The following MYLK4 variants were observed in gnomAD, a reference collection of about 807,000 sequenced individuals.
MYLK4 encodes the protein caMLCK like.
MYLK4 carries 46 observed loss-of-function variants against 48.1 expected under a neutral mutation model. That is an observed-to-expected ratio of 0.96 (90% confidence interval 0.75 to 1.22). The LOEUF is 1.22. MYLK4 is among the 50% of genes most tolerant of loss of function. The pLI is 0.00. For missense variants in MYLK4, 451 were observed against 486.1 expected (o/e 0.93, Z 0.68); for synonymous variants, 170 against 180.8 (o/e 0.94, Z 0.48).
At chr6:2,712,467 T>A (rs1299343655) in intron 2 of MYLK4, among the ~76,000 whole-genome samples, 1 of 152,192 alleles carries the variant, frequency 6.6e-6, no homozygotes, top group African/African-American at 2.4e-5. Flanking sequence ...ATGTAAAAGG[T>A]CATCTCTGAC....
chr6:2,671,219 C>A (rs1390479288), intron 12 of MYLK4, 57 bp downstream of exon 12: 1 of 1,210,120 alleles, frequency 8.3e-7, no homozygotes, highest in East Asian at 2.3e-5. Flanking sequence ...CCATTTATTT[C>A]TTATTCCTAT....
the MYLK4 span, chr6:2,769,011 C>T: frequency 2.4e-6 from 2 of 827,804 alleles, no homozygotes; most frequent in African/African-American, 1.8e-5. Flanking sequence ...GTGAACCCAT[C>T]TCCTTCAAGC....
chr6:2,752,402 T>TC (rs143861367), upstream of MYLK4, among the ~76,000 whole-genome samples: 3 of 152,090 alleles, frequency 2.0e-5, no homozygotes, highest in Non-Finnish European at 4.4e-5. Flanking sequence ...GTTTTTTTTT[T>TC]CCCCAAATGC....
the MYLK4 span, chr6:2,765,600 C>A: frequency 6.7e-7 from 1 of 1,489,180 alleles, no homozygotes. Context: ...CCGCGCCGGG[C>A]GCCGGGGAGG....
intron 7 of MYLK4, 21 bp from the exon 8 acceptor site, chr6:2,680,312 A>T (rs750644738): frequency 6.2e-6 from 10 of 1,613,472 alleles, no homozygotes; most frequent in African/African-American, 1.3e-5. Context: ...AAAGAGACAC[A>T]TTAGCAATGA....
chr6:2,699,793 G>A (rs1027190065), intron 2 of MYLK4, among the ~76,000 whole-genome samples: 1 of 152,150 alleles, frequency 6.6e-6, no homozygotes, highest in Non-Finnish European at 1.5e-5. Flanking sequence ...AAAGATCAGC[G>A]CTTGAGCCTG....
rs1377122402 is a variant in MYLK4 at position 2,688,886 on chromosome 6, G to A, written c.306C>T (p.Ser102=). The A allele has an allele frequency of 6.2e-7, 1 of 1,614,190 alleles. No homozygotes were observed. The highest frequency in any genetic ancestry group is 1.7e-5 in the Admixed American group (1 of 60,032). ...IVTAKQGAVN[S]FYTVSKTEIL... is the part of the protein sequence containing the mutation. ...TTTCTGTCTTGCTCACAGTATAGAA[G>A]CTGTTGACCGCTCCTTGCTTGGCTG... is the stretch of plus-strand genomic sequence containing the variant. Residue 102 remains serine, a synonymous_variant, in exon 4 of 13, where the codon AGC becomes AGT. Coordinates refer to ENST00000274643, the MANE Select transcript of MYLK4 (RefSeq NM_001012418.5).
At chr6:2,674,384 T>C (rs937446343) in intron 11 of MYLK4, among the ~76,000 whole-genome samples, 1 of 152,316 alleles carries the variant, frequency 6.6e-6, no homozygotes, top group South Asian at 2.1e-4. Context: ...AGGAGGCATA[T>C]TTCTCCTGAA....
intron 7 of MYLK4, among the ~76,000 whole-genome samples, chr6:2,681,858 C>T (rs1453231730): frequency 6.6e-6 from 1 of 152,188 alleles, no homozygotes; most frequent in East Asian, 1.9e-4. Context: ...TAGGTTTGCT[C>T]CTAGTTCCAG....
the MYLK4 span, among the ~76,000 whole-genome samples, chr6:2,762,280 G>A: frequency 6.6e-6 from 1 of 152,148 alleles, no homozygotes; most frequent in African/African-American, 2.4e-5. Context: ...TAACAATAAA[G>A]TTGGACGTAA....
intron 11 of MYLK4, among the ~76,000 whole-genome samples, chr6:2,674,822 G>A (rs889019994): frequency 2.6e-5 from 4 of 152,248 alleles, no homozygotes; most frequent in African/African-American, 9.6e-5. Flanking sequence ...AGTGAGCTGA[G>A]ATCGTGCCAT....
chr6:2,765,554 C>T, the MYLK4 span: 30 of 1,374,488 alleles, frequency 2.2e-5, no homozygotes, highest in Non-Finnish European at 2.8e-5. Flanking sequence ...TAGCGGAGGG[C>T]ATCGAAGGCC....
At chr6:2,686,501 A>C (rs186208866) in intron 4 of MYLK4, among the ~76,000 whole-genome samples, 4 of 152,316 alleles carry the variant, frequency 2.6e-5, no homozygotes, top group East Asian at 3.9e-4. Flanking sequence ...TAATTTGCTT[A>C]GTTTGATTTC....
At chr6:2,670,645 C>G (rs1760849606) in intron 12 of MYLK4, among the ~76,000 whole-genome samples, 1 of 152,032 alleles carries the variant, frequency 6.6e-6, no homozygotes, top group Non-Finnish European at 1.5e-5. Flanking sequence ...ATGTGTAAAC[C>G]CATCTCTCAA....
chr6:2,763,686 G>T, the MYLK4 span, among the ~76,000 whole-genome samples: 1 of 152,238 alleles, frequency 6.6e-6, no homozygotes, highest in Non-Finnish European at 1.5e-5. Context: ...AGCCAGCTCC[G>T]GCCTTGGCCC....
chr6:2,756,862 T>A, the MYLK4 span, among the ~76,000 whole-genome samples: 1 of 152,248 alleles, frequency 6.6e-6, no homozygotes, highest in East Asian at 1.9e-4. Context: ...TTTTCTACTT[T>A]TAGGAACTGG....
At chr6:2,690,245 C>T (rs1269999287) in intron 3 of MYLK4, among the ~76,000 whole-genome samples, 2 of 152,220 alleles carry the variant, frequency 1.3e-5, no homozygotes, top group Non-Finnish European at 2.9e-5. Context: ...CCTGTGTCTT[C>T]TGACACGTGT....
At chr6:2,725,048 G>A (rs543633162) in intron 2 of MYLK4, among the ~76,000 whole-genome samples, 5 of 152,208 alleles carry the variant, frequency 3.3e-5, no homozygotes, top group Non-Finnish European at 5.9e-5. Context: ...CTGCTCGAGA[G>A]GCTGAGGCAG....
intron 1 of MYLK4, among the ~76,000 whole-genome samples, chr6:2,749,688 A>G (rs571050164): frequency 6.6e-6 from 1 of 152,364 alleles, no homozygotes; most frequent in South Asian, 2.1e-4. Context: ...CAAGCCGTAG[A>G]TCAAGTGGCC....
Sources: allele counts gnomAD v4.1 joint callset (sites outside exome capture counted in the v4.1 genomes callset), GRCh38; gene constraint gnomAD v4.1.1; transcripts MANE v1.5; gene names NCBI Gene and HGNC (gene_info 2026-07-23, HGNC 2026-07-21).